ARHGAP8: variants seen among roughly 807,000 people sequenced by gnomAD.
ARHGAP8 encodes rho GTPase-activating protein 8.
ARHGAP8 carries 62 observed loss-of-function variants against 46.1 expected under a neutral mutation model. That is an observed-to-expected ratio of 1.34 (90% CI 1.10 to 1.66). The LOEUF (loss-of-function observed/expected upper bound fraction) is 1.66, where lower values mean the gene tolerates loss of function less well. Among genes scored for constraint, ARHGAP8 ranks in the 40% most tolerant of loss-of-function variants. ARHGAP8 has a pLI of 0.00. For missense variants in ARHGAP8, 923 were observed against 568.4 expected (o/e 1.62, Z -6.34); for synonymous variants, 375 against 243.1 (o/e 1.54, Z -5.05).
At chr22:44,795,129 G>A (rs1247333843) in intron 2 of ARHGAP8, among the ~76,000 whole-genome samples, 1 of 151,818 alleles carries the variant, frequency 6.6e-6, no homozygotes, top group African/African-American at 2.4e-5. Context: ...GGAGTAAAAA[G>A]CCTTCAACAA....
At position 44,861,736 on chromosome 22, in the gene ARHGAP8, A is replaced by C. The variant is rs533307527; in HGVS notation, c.982-539A>C. Among the ~76,000 whole-genome samples, 23 of 152,208 alleles carry C rather than the reference A, an allele frequency of 1.5e-4. No individual in the cohort carries two copies. The South Asian group carries it at 2.1e-3, about 14-fold the overall frequency. On this transcript the variant is annotated intron_variant, in intron 11 of 11. Coordinates refer to ENST00000356099, the MANE Select transcript of ARHGAP8 (RefSeq NM_181335.3). ...CTTGGGCAAGTCTCCTGTACCTTCCAGGCCCCAGATTCCTCATCTGTAAGA... is the reference window on the plus strand; with the variant it reads ...CTTGGGCAAGTCTCCTGTACCTTCCCGGCCCCAGATTCCTCATCTGTAAGA...
At position 44,844,495 on chromosome 22, in the gene ARHGAP8, C is replaced by G. The variant is rs546192334; in HGVS notation, c.597-774C>G. On this transcript the variant is annotated intron_variant, in intron 7 of 11. Transcript: ENST00000356099. Reference sequence around the variant, plus strand: ...TTATTTTTTTTGAGATGGAGTCTCCCTCTATCACCCAGGCTGGAGTGCAGT... The same window carrying G: ...TTATTTTTTTTGAGATGGAGTCTCCGTCTATCACCCAGGCTGGAGTGCAGT... Among the ~76,000 whole-genome samples the G allele has an allele frequency of 2.0e-5, 3 of 152,066 alleles. No individual in the cohort carries two copies. The South Asian group carries it at 6.2e-4, about 32-fold the overall frequency.
intron 10 of ARHGAP8, among the ~76,000 whole-genome samples, chr22:44,858,369 GTTTTTT>G (rs67748773): frequency 4.9e-5 from 7 of 142,018 alleles, no homozygotes; most frequent in African/African-American, 1.3e-4. Flanking sequence ...GTTGGTGGTG[GTTTTTT>G]TTTTTTTTTG....
chr22:44,795,038 C>CT (rs1378023943), intron 2 of ARHGAP8, among the ~76,000 whole-genome samples: 2 of 122,928 alleles, frequency 1.6e-5, no homozygotes, highest in African/African-American at 4.0e-5. Context: ...CAAACTCTGT[C>CT]TCAAAAAAAA....
At chr22:44,806,957 C>CAA (rs565485539) in intron 3 of ARHGAP8, among the ~76,000 whole-genome samples, 11,100 of 112,854 alleles carry the variant, frequency 0.098, 677 homozygotes, top group Middle Eastern at 0.15. Context: ...GACTCTGTCT[C>CAA]AAAAAAAAAA....
In ARHGAP8 at chr22:44,862,735, T is replaced by C; in HGVS notation, c.*140T>C. The C allele has an allele frequency of 9.9e-7, 1 of 1,009,058 alleles. No homozygotes were observed. The highest frequency in any genetic ancestry group is 1.4e-6 in the Non-Finnish European group (1 of 723,378). The allele number at this position is 1,009,058 out of a possible 1,614,324, so 62.5% of individuals were successfully genotyped here. On this transcript the variant is annotated 3_prime_UTR_variant, in exon 12 of 12. Transcript: ENST00000356099. ...TCTAATGAAAACTCCATGCCTCTGG[T>C]CCTTGGACTCTTGTCCATGGTTCCT...
Position 44,862,738 on chromosome 22 carries a change from T to C in ARHGAP8, c.*143T>C, listed in dbSNP as rs933638576. ...AATGAAAACTCCATGCCTCTGGTCC[T>C]TGGACTCTTGTCCATGGTTCCTGAG... On this transcript the variant is annotated 3_prime_UTR_variant, in exon 12 of 12. Transcript: ENST00000356099. 2.0e-6 allele frequency: 2 copies of C among 984,962 alleles called. No homozygotes were observed. The highest frequency in any genetic ancestry group is 2.8e-6 in the Non-Finnish European group (2 of 701,946). 61.0% of individuals were successfully genotyped at this position (984,962 alleles called of 1,614,324 possible).
chr22:44,820,688 C>T (rs1930063754), intron 5 of ARHGAP8, among the ~76,000 whole-genome samples: 1 of 152,240 alleles, frequency 6.6e-6, no homozygotes. Context: ...GCAGCCCCAG[C>T]CTTCAGCCCG....
chr22:44,838,287 G>A (rs935590978), intron 7 of ARHGAP8, among the ~76,000 whole-genome samples: 1 of 152,046 alleles, frequency 6.6e-6, no homozygotes, highest in Admixed American at 6.6e-5. Context: ...ACAGGCACGT[G>A]CCACCACACC....
intron 8 of ARHGAP8, among the ~76,000 whole-genome samples, chr22:44,846,757 G>A: frequency 6.6e-6 from 1 of 152,184 alleles, no homozygotes; most frequent in East Asian, 1.9e-4. Flanking sequence ...CCTCGTGCCA[G>A]ACTCTGGGGA....
In ARHGAP8 at chr22:44,859,757, G is replaced by C. The variant is rs6007344; in HGVS notation, c.904G>C (p.Gly302Arg). The C allele has an allele frequency of 0.2, 314,597 of 1,613,208 alleles. 32,937 individuals are homozygous for C. Among genetic ancestry groups the C allele is most frequent in the East Asian group, 0.44 (19,566 of 44,856 alleles). The change falls in exon 11 of 12, where the codon GGC (glycine) becomes CGC (arginine). Residue 302 changes from glycine (G) to arginine (R), a missense_variant. By Grantham distance (125) the Gly-to-Arg change is moderately radical. Coordinates refer to ENST00000356099, the MANE Select transcript of ARHGAP8 (RefSeq NM_181335.3). ...TCVESSLRVT[G>R]CRQILRSLPE... Reference sequence around the variant, plus strand: ...TGTGGAGAGCAGCCTGCGTGTCACTGGCTGCCGCCAGATCTTACGGAGCCT... The same window carrying C: ...TGTGGAGAGCAGCCTGCGTGTCACTCGCTGCCGCCAGATCTTACGGAGCCT...
chr22:44,855,871 T>G lies in ARHGAP8; in HGVS notation c.878-3860T>G, dbSNP rs111341378. On this transcript the variant is annotated intron_variant, in intron 10 of 11. Transcript: ENST00000356099. ...AGGCTGGGTAATTTATAAAGAAGTT[T>G]AATTGGCTCATGTTTCTGTAGGCTT... Among the ~76,000 whole-genome samples, 883 of 152,312 alleles carry G rather than the reference T, an allele frequency of 5.8e-3. 12 individuals are homozygous for G. The highest frequency in any genetic ancestry group is 0.039 in the East Asian group (202 of 5,192).
At chr22:44,789,874 G>T (rs1413839038) in intron 2 of ARHGAP8, among the ~76,000 whole-genome samples, 1 of 152,322 alleles carries the variant, frequency 6.6e-6, no homozygotes, top group East Asian at 1.9e-4. Context: ...AGCCAAGACA[G>T]CTCTACCAGC....
chr22:44,769,132 G>A (rs978485747), intron 1 of ARHGAP8, among the ~76,000 whole-genome samples: 2 of 152,192 alleles, frequency 1.3e-5, no homozygotes, highest in African/African-American at 4.8e-5. Flanking sequence ...ACCGTGCCCG[G>A]CCTAAGCCAC....
intron 3 of ARHGAP8, among the ~76,000 whole-genome samples, chr22:44,804,745 A>G (rs1164246455): frequency 2.0e-5 from 3 of 152,192 alleles, no homozygotes; most frequent in African/African-American, 7.2e-5. Flanking sequence ...ATGATCGGAC[A>G]TAGAAGCACC....
intron 1 of ARHGAP8, among the ~76,000 whole-genome samples, chr22:44,784,895 T>C (rs1927102458): frequency 6.6e-6 from 1 of 152,184 alleles, no homozygotes; most frequent in South Asian, 2.1e-4. Flanking sequence ...AGGGGTGTCC[T>C]GTGGCACCCC....
chr22:44,795,329 C>A (rs978623673), intron 2 of ARHGAP8, among the ~76,000 whole-genome samples: 1 of 152,126 alleles, frequency 6.6e-6, no homozygotes, highest in African/African-American at 2.4e-5. Context: ...GCCCTGGGAC[C>A]CTCTTACCCT....
Position 44,822,402 on chromosome 22 carries a change from A to G in ARHGAP8, c.418A>G (p.Asn140Asp). The change falls in exon 6 of 12, where the codon AAC becomes GAC. Residue 140 changes from asparagine to aspartate, a missense_variant. By Grantham distance (23) the Asn-to-Asp change is conservative (BLOSUM62 1). Transcript: ENST00000356099. The stretch of plus-strand genomic sequence containing the variant: ...GTTTGGGAAGAAAGTCATCTATTTC[A>G]ACTACCTGAGTGAGCTCCACGAACA... ...HKFGKKVIYFNYLSELHEHLK... is the reference protein window; with the variant it reads ...HKFGKKVIYFDYLSELHEHLK... The G allele has an allele frequency of 6.3e-7, 1 of 1,583,194 alleles. No individual in the cohort carries two copies. The highest frequency in any genetic ancestry group is 8.5e-7 in the Non-Finnish European group (1 of 1,170,222).
intron 7 of ARHGAP8, among the ~76,000 whole-genome samples, chr22:44,842,374 A>G (rs1171592092): frequency 6.6e-6 from 1 of 152,050 alleles, no homozygotes; most frequent in Non-Finnish European, 1.5e-5. Flanking sequence ...ACAAACAAAC[A>G]AACAAAAACA....
Sources: allele counts gnomAD v4.1 joint callset (sites outside exome capture counted in the v4.1 genomes callset), GRCh38; gene constraint gnomAD v4.1.1; transcripts MANE v1.5; gene names NCBI Gene and HGNC (gene_info 2026-07-23, HGNC 2026-07-21).